The following PALLD variants were observed in gnomAD, a reference collection of about 807,000 sequenced individuals.
PALLD encodes the protein palladin, cytoskeletal associated protein, also known as palladin.
PALLD carries 61 observed loss-of-function variants against 123.5 expected under a neutral mutation model. The ratio of observed to expected loss-of-function variants is 0.49; its 90% CI spans 0.40 to 0.61. PALLD has a LOEUF of 0.61. Among genes scored for constraint, PALLD ranks in the 20% least tolerant of loss-of-function variants. The probability of loss-of-function intolerance (pLI) is 0.00; values close to 1 mark genes in which losing one functional copy is unlikely to be tolerated. For synonymous variants in PALLD, 465 were observed against 496.4 expected, an observed-to-expected ratio of 0.94 and a Z score of 0.84; for missense variants, 1,273 against 1,377.0, an observed-to-expected ratio of 0.92 and a Z score of 1.20.
intron 2 of PALLD, among the ~76,000 whole-genome samples, chr4:168,557,543 T>G (rs1001603535): frequency 1.3e-5 from 2 of 152,228 alleles, no homozygotes; most frequent in African/African-American, 4.8e-5. Context: ...TATGTTGGAC[T>G]AGGACAACTC....
At chr4:168,566,407 C>T (rs577302978) in intron 2 of PALLD, among the ~76,000 whole-genome samples, 1 of 152,188 alleles carries the variant, frequency 6.6e-6, no homozygotes, top group African/African-American at 2.4e-5. Context: ...AATCAATCCT[C>T]CTACCTCAGC....
At chr4:168,738,749 A>G (rs1788031257) in intron 10 of PALLD, among the ~76,000 whole-genome samples, 1 of 126,202 alleles carries the variant, frequency 7.9e-6, no homozygotes, top group Admixed American at 7.7e-5. Context: ...TTAAACTCTT[A>G]TTCACACCCA....
Position 168,823,990 on chromosome 4 carries a change from G to C in PALLD, c.1965-66932G>C, listed in dbSNP as rs139221002. On this transcript the variant is annotated intron_variant, in intron 10 of 21. Transcript: ENST00000505667. ...ATGACACCAAAGTTATGTCAAGCTT[G>C]TACTTGTACCACCCACAAATGAAGA... Among the ~76,000 whole-genome samples, 295 of 152,318 alleles carry C rather than the reference G, an allele frequency of 1.9e-3. 1 individual carries two copies. The highest frequency in any genetic ancestry group is 0.01 in the Middle Eastern group (3 of 294).
chr4:168,875,692 T>A (rs1034343229), intron 10 of PALLD, among the ~76,000 whole-genome samples: 3 of 152,244 alleles, frequency 2.0e-5, no homozygotes, highest in African/African-American at 7.2e-5. Flanking sequence ...TGTCACTTCA[T>A]ACTAAAGTTA....
chr4:168,745,423 T>TTGTGAGATG (rs1554075247), intron 10 of PALLD, among the ~76,000 whole-genome samples: 1 of 64,930 alleles, frequency 1.5e-5, no homozygotes, highest in South Asian at 6.4e-4. Flanking sequence ...GTCTGTGAGA[T>TTGTGAGATG]GGGAGGGGGG....
At chr4:168,714,814 G>A (rs937956722) in intron 10 of PALLD, among the ~76,000 whole-genome samples, 34 of 151,348 alleles carry the variant, frequency 2.2e-4, no homozygotes, top group African/African-American at 8.0e-4. Context: ...TGAAAATGGT[G>A]TCTGATGTGT....
At chr4:168,590,711 C>G (rs1165720866) in intron 2 of PALLD, among the ~76,000 whole-genome samples, 1 of 152,014 alleles carries the variant, frequency 6.6e-6, no homozygotes, top group African/African-American at 2.4e-5. Context: ...TAGGAGATGT[C>G]CGTGGCACAC....
intron 10 of PALLD, among the ~76,000 whole-genome samples, chr4:168,831,804 T>A (rs1317996408): frequency 6.6e-6 from 1 of 152,214 alleles, no homozygotes; most frequent in Non-Finnish European, 1.5e-5. Context: ...TTAAATTCTT[T>A]CCCGTTATTA....
intron 1 of PALLD, among the ~76,000 whole-genome samples, chr4:168,503,178 T>C (rs1386437565): frequency 6.6e-6 from 1 of 152,238 alleles, no homozygotes; most frequent in African/African-American, 2.4e-5. Flanking sequence ...CACAGTTGAA[T>C]GAGGAAAGCA....
chr4:168,678,496 A>C (rs1781096839), intron 3 of PALLD, among the ~76,000 whole-genome samples: 1 of 152,170 alleles, frequency 6.6e-6, no homozygotes, highest in Non-Finnish European at 1.5e-5. Context: ...GCCTGGGCTG[A>C]CCGTGGAAGA....
At chr4:168,649,797 C>T (rs1346681599) in intron 2 of PALLD, among the ~76,000 whole-genome samples, 1 of 152,194 alleles carries the variant, frequency 6.6e-6, no homozygotes, top group Admixed American at 6.5e-5. Flanking sequence ...TATTTCTTTG[C>T]ATCTTTTAAA....
At chr4:168,551,138 T>C (rs1462385409) in intron 2 of PALLD, among the ~76,000 whole-genome samples, 1 of 152,224 alleles carries the variant, frequency 6.6e-6, no homozygotes, top group Admixed American at 6.5e-5. Flanking sequence ...CTTGCCTGAA[T>C]TGGGTAGTCT....
chr4:168,696,897 A>G (rs1483197556), intron 8 of PALLD, among the ~76,000 whole-genome samples: 3 of 152,232 alleles, frequency 2.0e-5, no homozygotes, highest in Non-Finnish European at 2.9e-5. Context: ...AGACAGGATT[A>G]TCAATGAAAT....
intron 15 of PALLD, among the ~76,000 whole-genome samples, chr4:168,910,304 T>G (rs1758669353): frequency 6.6e-6 from 1 of 151,244 alleles, no homozygotes; most frequent in African/African-American, 2.4e-5. Context: ...ATAGGGCATA[T>G]TTTTCCTCCT....
chr4:168,524,256 T>C (rs1763839561), intron 2 of PALLD, among the ~76,000 whole-genome samples: 1 of 152,246 alleles, frequency 6.6e-6, no homozygotes, highest in Admixed American at 6.5e-5. Flanking sequence ...TACTATATGC[T>C]GTTTCTTTAT....
At chr4:168,739,536 G>C (rs565309324) in intron 10 of PALLD, among the ~76,000 whole-genome samples, 2 of 152,166 alleles carry the variant, frequency 1.3e-5, no homozygotes, top group African/African-American at 4.8e-5. Context: ...GAAAGTTGTT[G>C]TATATTTCAG....
intron 2 of PALLD, among the ~76,000 whole-genome samples, chr4:168,593,238 C>T (rs893964941): frequency 6.6e-6 from 1 of 152,038 alleles, no homozygotes; most frequent in Admixed American, 6.6e-5. Context: ...ACTCTCATCT[C>T]TCCTACTAAG....
chr4:168,765,964 C>T (rs1398476389), intron 10 of PALLD, among the ~76,000 whole-genome samples: 1 of 152,202 alleles, frequency 6.6e-6, no homozygotes, highest in African/African-American at 2.4e-5. Flanking sequence ...TTATTATAAT[C>T]TATTCTGTGA....
chr4:168,777,101 T>C (rs999960), intron 10 of PALLD, among the ~76,000 whole-genome samples: 53,978 of 149,528 alleles, frequency 0.36, 10,450 homozygotes, highest in East Asian at 0.55. Context: ...GGCACACACA[T>C]ATACACACAC....
Sources: allele counts gnomAD v4.1 joint callset (sites outside exome capture counted in the v4.1 genomes callset), GRCh38; gene constraint gnomAD v4.1.1; transcripts MANE v1.5; gene names NCBI Gene and HGNC (gene_info 2026-07-23, HGNC 2026-07-21).